Variants in SLC47A1 observed in about 807,000 individuals in gnomAD.
SLC47A1 encodes multidrug and toxin extrusion protein 1.
Under a neutral mutation model 65.8 loss-of-function variants are expected in SLC47A1, and 58 were observed. The ratio of observed to expected loss-of-function variants is 0.88; its 90% confidence interval spans 0.71 to 1.10. The LOEUF (loss-of-function observed/expected upper bound fraction) is 1.10. SLC47A1 is among the 50% of genes least tolerant of loss of function. SLC47A1 has a pLI of 0.00. For missense variants in SLC47A1, 706 were observed against 719.2 expected (o/e 0.98, Z 0.21); for synonymous variants, 285 against 295.0 (o/e 0.97, Z 0.35).
chr17:19,569,213 A>G (rs1323600148), intron 14 of SLC47A1, among the ~76,000 whole-genome samples: 1 of 151,888 alleles, frequency 6.6e-6, no homozygotes, highest in Non-Finnish European at 1.5e-5. Context: ...CTCTACTAAA[A>G]ATACAAAAAT....
In SLC47A1 at chr17:19,560,216, G is replaced by T. The variant is rs1484004028; in HGVS notation, c.950G>T (p.Ser317Ile). 1.9e-6 allele frequency: 3 copies of T among 1,613,122 alleles called. No homozygotes were observed. Among genetic ancestry groups the T allele is most frequent in the Non-Finnish European group, 8.5e-7 (1 of 1,179,982 alleles). The stretch of plus-strand genomic sequence containing the variant: ...CCTGCAGGCTTCAGTGTGGCTGCCA[G>T]TGTCCGGGTAGGAAACGCTCTGGGT... ...MVPAGFSVAA[S>I]VRVGNALGAG... Residue 317 changes from serine to isoleucine, a missense_variant, in exon 11 of 17, where the codon AGT (serine) becomes ATT (isoleucine). Coordinates refer to ENST00000270570, the MANE Select transcript of SLC47A1 (RefSeq NM_018242.3).
At chr17:19,535,835 T>G (rs1434591789) in intron 1 of SLC47A1, among the ~76,000 whole-genome samples, 2 of 152,308 alleles carry the variant, frequency 1.3e-5, no homozygotes, top group Non-Finnish European at 2.9e-5. Flanking sequence ...CTGTGCAGAT[T>G]GAAACAGCCT....
At chr17:19,574,566 A>C (rs2084424294) in intron 16 of SLC47A1, among the ~76,000 whole-genome samples, 1 of 152,186 alleles carries the variant, frequency 6.6e-6, no homozygotes, top group Admixed American at 6.5e-5. Flanking sequence ...TCTTCAGGGA[A>C]GGGTTGGTGG....
At chr17:19,543,441 G>A (rs1442920517) in intron 2 of SLC47A1, among the ~76,000 whole-genome samples, 1 of 151,710 alleles carries the variant, frequency 6.6e-6, no homozygotes, top group Non-Finnish European at 1.5e-5. Flanking sequence ...CATGGAACTC[G>A]TTCCCACTCT....
rs762493632 is a variant in SLC47A1, at chr17:19,551,419, T to G, written c.499-5T>G. On this transcript the variant is annotated splice_region_variant and splice_polypyrimidine_tract_variant and intron_variant, in intron 5 of 16. Transcript: ENST00000270570. Reference sequence around the variant, plus strand: ...TTAACATTCATCTCTCTTGTTCTCTTGTAGGCAACCTTTCTTTATATGTTA... The same window carrying G: ...TTAACATTCATCTCTCTTGTTCTCTGGTAGGCAACCTTTCTTTATATGTTA... The G allele has an allele frequency of 7.5e-6, 12 of 1,603,124 alleles. 1 individual carries two copies. Among genetic ancestry groups the G allele is most frequent in the Middle Eastern group, 3.3e-4 (2 of 6,082 alleles).
chr17:19,537,565 C>G lies in SLC47A1; in HGVS notation c.135+3491C>G, dbSNP rs576577188. ...GGAAAGCCGGGTGAGGTCCGGCCCC[C>G]ACGCCTCTACTCCCCGTTCCCTCCT... On this transcript the variant is annotated intron_variant, in intron 1 of 16. Transcript: ENST00000270570. 1.5e-4 allele frequency among the ~76,000 whole-genome samples: 23 copies of G among 152,346 alleles called. No homozygotes were observed. The South Asian group carries it at 4.6e-3, about 30-fold the overall frequency.
Position 19,548,081 on chromosome 17 carries a change from C to T in SLC47A1, c.403C>T (p.Leu135Phe), listed in dbSNP as rs1444860939. The T allele has an allele frequency of 5.0e-6, 8 of 1,613,976 alleles. No individual in the cohort carries two copies. In the South Asian group the frequency reaches 8.8e-5, roughly 18 times the overall value. ...LCCFPCWALF[L>F]NTQHILLLFR... ...CTGCTTCCCCTGCTGGGCGCTCTTT[C>T]TCAACACCCAGCACATCCTGCTGCT... Residue 135 changes from leucine (L) to phenylalanine (F), a missense_variant, in exon 4 of 17, where the codon CTC (leucine) becomes TTC (phenylalanine). Leu to Phe is a conservative substitution (Grantham distance 22). Transcript: ENST00000270570.
At chr17:19,543,113 CTTT>C (rs200136822) in intron 2 of SLC47A1, among the ~76,000 whole-genome samples, 3 of 131,644 alleles carry the variant, frequency 2.3e-5, no homozygotes. Flanking sequence ...TATTTCTTTT[CTTT>C]TTTTTTTTTT....
At chr17:19,576,007 G>A (rs565684334) in intron 16 of SLC47A1, among the ~76,000 whole-genome samples, 1 of 152,134 alleles carries the variant, frequency 6.6e-6, no homozygotes, top group Admixed American at 6.6e-5. Flanking sequence ...ATGAGTACTA[G>A]GGAAAATGAT....
chr17:19,538,767 C>T (rs1396799553), intron 1 of SLC47A1, among the ~76,000 whole-genome samples: 3 of 152,168 alleles, frequency 2.0e-5, no homozygotes, highest in African/African-American at 7.2e-5. Context: ...TTTCAGCAAT[C>T]ATGGGAGGGG....
At chr17:19,563,289 C>T (rs1252547701) in intron 12 of SLC47A1, among the ~76,000 whole-genome samples, 4 of 151,740 alleles carry the variant, frequency 2.6e-5, no homozygotes, top group South Asian at 2.1e-4. Context: ...CCCGCCACCA[C>T]GCTCGGCTAA....
chr17:19,548,199 G>A (rs2152313376), intron 4 of SLC47A1, 66 bp downstream of exon 4: 4 of 1,556,350 alleles, frequency 2.6e-6, no homozygotes, highest in South Asian at 1.2e-5. Flanking sequence ...CTGTCTGGGT[G>A]CAGCCAGGGC....
chr17:19,556,658 A>G (rs1246453939), intron 10 of SLC47A1, among the ~76,000 whole-genome samples: 1 of 149,928 alleles, frequency 6.7e-6, no homozygotes, highest in Non-Finnish European at 1.5e-5. Flanking sequence ...TCCCGGGTTC[A>G]AGCATTTCTT....
At chr17:19,567,020 A>G in intron 13 of SLC47A1, 76 bp from the exon 14 acceptor site, 7 of 1,609,106 alleles carry the variant, frequency 4.4e-6, no homozygotes, top group African/African-American at 1.3e-5. Context: ...AGCACAGAAT[A>G]TGAAGTGCTC....
rs2152318543 is a variant in SLC47A1, at chr17:19,578,386, G to C, written c.*833G>C. ...ACGCCTAGCTAATTTTTTATACCAGGGTCTACCCTTTGTTTCCCAGGCTGG... is the reference window on the plus strand; with the variant it reads ...ACGCCTAGCTAATTTTTTATACCAGCGTCTACCCTTTGTTTCCCAGGCTGG... On this transcript the variant is annotated 3_prime_UTR_variant, in exon 17 of 17. Transcript: ENST00000270570. 1 of 177,834 alleles carries C rather than the reference G, an allele frequency of 5.6e-6. No homozygotes were observed. 11.0% of individuals were successfully genotyped at this position (177,834 alleles called of 1,614,324 possible).
Position 19,555,402 on chromosome 17 carries a change from G to A in SLC47A1, c.641+93G>A, listed in dbSNP as rs1354179146. 2.9e-6 allele frequency: 4 copies of A among 1,375,608 alleles called. No individual in the cohort carries two copies. The Admixed American group carries it at 5.1e-5, about 17-fold the overall frequency. The allele number at this position is 1,375,608 out of a possible 1,614,324, so 85.2% of individuals were successfully genotyped here. A position where few individuals can be genotyped will look rare whatever the true frequency, so the allele number is the denominator to read the frequency against. ...AGAGTGGGCTCTTCAGCTGGTTCTT[G>A]TGTCCATGCGTGGTCTCTTTCTTGC... is the stretch of plus-strand genomic sequence containing the variant. On this transcript the variant is annotated intron_variant, in intron 7 of 16. Coordinates refer to ENST00000270570, the MANE Select transcript of SLC47A1 (RefSeq NM_018242.3).
In SLC47A1 at chr17:19,577,591, G is replaced by A. The variant is rs770373052; in HGVS notation, c.*38G>A. 5.0e-5 allele frequency: 80 copies of A among 1,611,688 alleles called. 1 individual carries two copies. The East Asian group carries it at 1.8e-3, about 36-fold the overall frequency. On this transcript the variant is annotated 3_prime_UTR_variant, in exon 17 of 17. Transcript: ENST00000270570. ...GAAAGTCAGGTCAAGTGATGCTTTT[G>A]AGCTTACACACAATTCACAGGCCCA... is the stretch of plus-strand genomic sequence containing the variant.
chr17:19,555,541 C>T (rs1916577602), intron 7 of SLC47A1, 52 bp from the exon 8 acceptor site: 2 of 1,556,522 alleles, frequency 1.3e-6, no homozygotes, highest in Non-Finnish European at 1.8e-6. Context: ...CTGAGTTGGG[C>T]AGGGAGAGGC....
rs543612190 is a variant in SLC47A1 at position 19,538,070 on chromosome 17, G to A, written c.135+3996G>A. Among the ~76,000 whole-genome samples, 4 of 152,314 alleles carry A rather than the reference G, an allele frequency of 2.6e-5. No homozygotes were observed. The South Asian group carries it at 6.2e-4, about 24-fold the overall frequency. ...ATTCCACAGATGCTCCTTGGCTTAC[G>A]ATGGGGTTATATGCACTGAAAATAT... On this transcript the variant is annotated intron_variant, in intron 1 of 16. Coordinates refer to ENST00000270570, the MANE Select transcript of SLC47A1 (RefSeq NM_018242.3).
Sources: gnomAD v4.1 joint callset for allele counts (sites outside exome capture counted in the v4.1 genomes callset) on GRCh38, gnomAD v4.1.1 for gene constraint, MANE v1.5 for transcripts, NCBI Gene and HGNC (gene_info 2026-07-23, HGNC 2026-07-21) for gene names.